Variants in FCN2 observed in about 807,000 individuals in gnomAD.
The protein encoded by FCN2 is ficolin-2.
In FCN2, 31 loss-of-function variants were observed where a neutral mutation model predicts 32.5. The ratio of observed to expected loss-of-function variants is 0.96; its 90% CI spans 0.72 to 1.29. The LOEUF is 1.29. Ranked by LOEUF, FCN2 falls within the 50% of genes most tolerant of loss-of-function variation. FCN2 has a pLI of 0.00. For missense variants in FCN2, 412 were observed against 406.5 expected, an observed-to-expected ratio of 1.01 and a Z score of -0.12; for synonymous variants, 181 against 164.5, an observed-to-expected ratio of 1.10 and a Z score of -0.77.
At chr9:134,880,527 C>T (rs754614894), upstream of FCN2, among the ~76,000 whole-genome samples, 2 of 152,218 alleles carry the variant, frequency 1.3e-5, no homozygotes, top group Non-Finnish European at 2.9e-5. Context: ...ATCTGCTCAC[C>T]GCTGAACAAA....
upstream of FCN2, among the ~76,000 whole-genome samples, chr9:134,875,962 T>C (rs1197577773): frequency 6.6e-6 from 1 of 152,264 alleles, no homozygotes; most frequent in Non-Finnish European, 1.5e-5. Context: ...GAATACTTTT[T>C]ATTCTTCATT....
chr9:134,880,137 C>T (rs577810617), upstream of FCN2, among the ~76,000 whole-genome samples: 2 of 152,270 alleles, frequency 1.3e-5, no homozygotes, highest in South Asian at 2.1e-4. Context: ...CCCCTGCATT[C>T]ACACTCAAGG....
At chr9:134,885,958 G>A (rs1830748454) in intron 6 of FCN2, 61 bp downstream of exon 6, 1 of 1,529,896 alleles carries the variant, frequency 6.5e-7, no homozygotes. Flanking sequence ...CCTGCCTCTT[G>A]GGCCTGGGCT....
chr9:134,864,815 C>G, the FCN2 span, among the ~76,000 whole-genome samples: 1 of 152,190 alleles, frequency 6.6e-6, no homozygotes, highest in Non-Finnish European at 1.5e-5. Flanking sequence ...TTGTTTTAAG[C>G]CTCACCCTTT....
intron 3 of FCN2, among the ~76,000 whole-genome samples, chr9:134,884,223 C>T (rs1564207290): frequency 6.6e-6 from 1 of 152,120 alleles, no homozygotes; most frequent in Non-Finnish European, 1.5e-5. Context: ...CGGAGAAATA[C>T]GCAGTAGGAA....
In FCN2 at chr9:134,887,471, G is replaced by T. The variant is rs1334350730; in HGVS notation, c.*56G>T. ...CACACATAGTTGGTTGGGGGGTAGG[G>T]TTGGGAGCTTGGCCCTACGGTTTGT... On this transcript the variant is annotated 3_prime_UTR_variant, in exon 8 of 8. Coordinates refer to ENST00000291744, the MANE Select transcript of FCN2 (RefSeq NM_004108.3). The T allele has an allele frequency of 1.3e-5, 21 of 1,561,578 alleles. No individual in the cohort carries two copies. The highest frequency in any genetic ancestry group is 5.4e-5 in the African/African-American group (4 of 73,580).
At chr9:134,882,698 G>C in intron 2 of FCN2, 59 bp downstream of exon 2, 1 of 1,221,070 alleles carries the variant, frequency 8.2e-7, no homozygotes, top group Non-Finnish European at 1.2e-6. Flanking sequence ...CAGATGCTGA[G>C]TTGGGCAACA....
the FCN2 span, among the ~76,000 whole-genome samples, chr9:134,873,429 GTA>G: frequency 7.9e-5 from 12 of 152,268 alleles, no homozygotes; most frequent in Admixed American, 3.9e-4. Context: ...TCTGCAAAGA[GTA>G]TGTCTCCAAT....
chr9:134,873,464 T>A, the FCN2 span, among the ~76,000 whole-genome samples: 1 of 152,112 alleles, frequency 6.6e-6, no homozygotes, highest in East Asian at 1.9e-4. Flanking sequence ...CCTCATTGCC[T>A]CCTTTTCCTC....
chr9:134,887,437 G>A lies in FCN2; in HGVS notation c.*22G>A. 1 of 1,613,158 alleles carries A rather than the reference G, an allele frequency of 6.2e-7. No individual in the cohort carries two copies. Among genetic ancestry groups the A allele is most frequent in the Admixed American group, 1.7e-5 (1 of 60,004 alleles). ...CTAGCCCAGGCCGGCCTCAGGGTCA[G>A]GACGCCTCCACACATAGTTGGTTGG... On this transcript the variant is annotated 3_prime_UTR_variant, in exon 8 of 8. Coordinates refer to ENST00000291744, the MANE Select transcript of FCN2 (RefSeq NM_004108.3).
chr9:134,871,893 C>T, the FCN2 span, among the ~76,000 whole-genome samples: 1 of 152,334 alleles, frequency 6.6e-6, no homozygotes, highest in East Asian at 1.9e-4. Flanking sequence ...AGACAAGGAA[C>T]AGATCTGTCA....
At chr9:134,870,544 G>A in the FCN2 span, among the ~76,000 whole-genome samples, 1 of 151,990 alleles carries the variant, frequency 6.6e-6, no homozygotes, top group Non-Finnish European at 1.5e-5. This position sits in a 1 kb window ranked among gnomAD's most constrained non-coding sequence, Gnocchi z 4.3. Context: ...AGCAATAAGT[G>A]CCCTCGGGGG....
chr9:134,864,395 G>A, the FCN2 span, among the ~76,000 whole-genome samples: 4 of 152,332 alleles, frequency 2.6e-5, no homozygotes, highest in African/African-American at 4.8e-5. Flanking sequence ...GGAAGCCTGT[G>A]GGGCCTGCGG....
At chr9:134,869,033 C>T in the FCN2 span, among the ~76,000 whole-genome samples, 1 of 152,200 alleles carries the variant, frequency 6.6e-6, no homozygotes, top group East Asian at 1.9e-4. Flanking sequence ...CCGTATGACT[C>T]GCAACTCCTA....
rs754833862 is a variant in FCN2, at chr9:134,882,602, T to C, written c.177T>C (p.Pro59=). Residue 59 remains proline, a synonymous_variant, in exon 2 of 8, where the codon CCT becomes CCC. Coordinates refer to ENST00000291744, the MANE Select transcript of FCN2 (RefSeq NM_004108.3). The part of the protein sequence containing the change: ...LRGCPGLPGA[P]GPKGEAGTNG... ...GCTGTCCGGGGCTGCCTGGGGCCCC[T>C]GGGCCCAAGGGAGAGGCAGGCACCA... 6.2e-7 allele frequency: 1 copy of C among 1,613,868 alleles called. No individual in the cohort carries two copies. Among genetic ancestry groups the C allele is most frequent in the Non-Finnish European group, 8.5e-7 (1 of 1,179,812 alleles).
At chr9:134,882,715 C>A in intron 2 of FCN2, 76 bp downstream of exon 2, 1 of 1,026,596 alleles carries the variant, frequency 9.7e-7, no homozygotes, top group Non-Finnish European at 1.5e-6. Context: ...AACACCCCCA[C>A]CATGGTTCCT....
At chr9:134,873,687 A>T in the FCN2 span, among the ~76,000 whole-genome samples, 3 of 152,216 alleles carry the variant, frequency 2.0e-5, no homozygotes, top group Admixed American at 6.5e-5. Flanking sequence ...AGAGTCGACG[A>T]TGTTAAGCTG....
chr9:134,882,288 A>G (rs1830675144), intron 1 of FCN2, among the ~76,000 whole-genome samples: 1 of 152,160 alleles, frequency 6.6e-6, no homozygotes, highest in Non-Finnish European at 1.5e-5. Flanking sequence ...TCTGCCCCAA[A>G]TCACCTTTCT....
At chr9:134,885,525 G>C (rs56117058) in intron 5 of FCN2, among the ~76,000 whole-genome samples, 159 bp downstream of exon 5, 21,912 of 152,092 alleles carry the variant, frequency 0.14, 1,979 homozygotes, top group Middle Eastern at 0.2. Context: ...CAGGCCTTTG[G>C]GGGAGGCTGG....
Sources: allele counts gnomAD v4.1 joint callset (sites outside exome capture counted in the v4.1 genomes callset), GRCh38; gene constraint gnomAD v4.1.1; non-coding constraint Gnocchi (gnomAD v3.1); transcripts MANE v1.5; gene names NCBI Gene and HGNC (gene_info 2026-07-23, HGNC 2026-07-21).